THRB: variants seen among roughly 807,000 people sequenced by gnomAD.
THRB encodes the protein nuclear receptor subfamily 1 group A member 2.
Under a neutral mutation model 47.8 loss-of-function variants are expected in THRB, and 12 were observed. The observed-to-expected ratio is 0.25, with a 90% CI of 0.16 to 0.41. THRB has a LOEUF of 0.41. Ranked by LOEUF, THRB falls within the 10% of genes least tolerant of loss-of-function variation. THRB has a pLI of 1.00. For missense variants in THRB, 348 were observed against 589.2 expected, an observed-to-expected ratio of 0.59 and a Z score of 4.24; for synonymous variants, 218 against 212.2, an observed-to-expected ratio of 1.03 and a Z score of -0.24.
At position 24,143,654 on chromosome 3, in the gene THRB, G is replaced by T. The variant is rs746952071; in HGVS notation, c.585C>A (p.Asn195Lys). ...GCTCTTCCCGCCGTCTTTTCTCCCG[G>T]TTCTCCTCTATCAGCTTCCTCTTGG... is the stretch of plus-strand genomic sequence containing the variant. Reference protein sequence around the residue: ...RLAKRKLIEENREKRRREELQ... With the variant: ...RLAKRKLIEEKREKRRREELQ... Residue 195 changes from asparagine (N) to lysine (K), a missense_variant, in exon 8 of 11, where the codon AAC (asparagine) becomes AAA (lysine). Transcript: ENST00000646209. 1 of 1,614,102 alleles carries T rather than the reference G, an allele frequency of 6.2e-7. No individual in the cohort carries two copies. Among genetic ancestry groups the T allele is most frequent in the South Asian group, 1.1e-5 (1 of 91,082 alleles).
At chr3:24,157,210 A>C (rs982137005) in intron 5 of THRB, among the ~76,000 whole-genome samples, 1 of 151,664 alleles carries the variant, frequency 6.6e-6, no homozygotes, top group African/African-American at 2.4e-5. Flanking sequence ...CTGTTTTCCC[A>C]CCCTGCCTAC....
At chr3:24,201,344 A>G (rs1459343796) in intron 4 of THRB, among the ~76,000 whole-genome samples, 1 of 152,084 alleles carries the variant, frequency 6.6e-6, no homozygotes, top group Non-Finnish European at 1.5e-5. Flanking sequence ...TGCCTCCTCC[A>G]TGCTCAAATG....
At chr3:24,275,136 A>G (rs1396100472) in intron 3 of THRB, among the ~76,000 whole-genome samples, 1 of 152,202 alleles carries the variant, frequency 6.6e-6, no homozygotes, top group Non-Finnish European at 1.5e-5. Context: ...ATTTGTTTGG[A>G]AAAAATATAG....
intron 3 of THRB, among the ~76,000 whole-genome samples, chr3:24,273,732 C>T (rs1000741727): frequency 6.6e-6 from 1 of 152,124 alleles, no homozygotes; most frequent in Non-Finnish European, 1.5e-5. Flanking sequence ...GGCATTCCCC[C>T]AGATGTCACT....
At chr3:24,296,811 C>T (rs2056485245) in intron 3 of THRB, among the ~76,000 whole-genome samples, 1 of 152,166 alleles carries the variant, frequency 6.6e-6, no homozygotes, top group African/African-American at 2.4e-5. Context: ...GGGCTATCCA[C>T]ACACTTTAGG....
chr3:24,483,179 T>C (rs1456220345), intron 1 of THRB, among the ~76,000 whole-genome samples: 5 of 152,158 alleles, frequency 3.3e-5, no homozygotes, highest in African/African-American at 9.6e-5. Flanking sequence ...ATGTCCCTTA[T>C]ATTTCTTTCA....
At chr3:24,417,603 T>TAA (rs1366179162) in intron 1 of THRB, among the ~76,000 whole-genome samples, 4 of 151,868 alleles carry the variant, frequency 2.6e-5, no homozygotes, top group Admixed American at 2.6e-4. Context: ...AATAAGGCAT[T>TAA]CCTCAGGTAT....
intron 4 of THRB, among the ~76,000 whole-genome samples, chr3:24,227,524 G>A (rs922156030): frequency 4.6e-5 from 7 of 152,178 alleles, no homozygotes; most frequent in African/African-American, 1.7e-4. Flanking sequence ...GCTCCTACAG[G>A]TGTGAATCAT....
At chr3:24,365,653 A>C (rs1271720550) in intron 1 of THRB, among the ~76,000 whole-genome samples, 1 of 152,210 alleles carries the variant, frequency 6.6e-6, no homozygotes, top group Non-Finnish European at 1.5e-5. Flanking sequence ...AGCTGGAAAA[A>C]ATTAATTTGA....
chr3:24,316,939 T>C (rs2058157595), intron 2 of THRB, among the ~76,000 whole-genome samples: 1 of 152,222 alleles, frequency 6.6e-6, no homozygotes, highest in Non-Finnish European at 1.5e-5. Context: ...AGCCCTTCCC[T>C]AACTTCCTCA....
intron 1 of THRB, among the ~76,000 whole-genome samples, chr3:24,443,562 C>A (rs1331272478): frequency 6.6e-6 from 1 of 152,094 alleles, no homozygotes; most frequent in Non-Finnish European, 1.5e-5. Flanking sequence ...ACAATAATCT[C>A]AAACAAATAT....
chr3:24,265,764 T>A (rs183780084), intron 3 of THRB, among the ~76,000 whole-genome samples: 3 of 152,282 alleles, frequency 2.0e-5, no homozygotes, highest in East Asian at 3.9e-4. Flanking sequence ...AGTGTATTAA[T>A]TTGCTTCAAA....
At chr3:24,395,543 G>T (rs1047245847) in intron 1 of THRB, among the ~76,000 whole-genome samples, 1 of 151,920 alleles carries the variant, frequency 6.6e-6, no homozygotes, top group East Asian at 1.9e-4. Flanking sequence ...TGCAGTACAC[G>T]CAAATCAAAA....
chr3:24,397,077 T>C (rs2067020745), intron 1 of THRB, among the ~76,000 whole-genome samples: 1 of 152,114 alleles, frequency 6.6e-6, no homozygotes, highest in Admixed American at 6.5e-5. Context: ...CAATTAGAAC[T>C]CAGCATAGAT....
At chr3:24,212,634 T>C (rs1392945896) in intron 4 of THRB, among the ~76,000 whole-genome samples, 1 of 148,744 alleles carries the variant, frequency 6.7e-6, no homozygotes, top group South Asian at 2.2e-4. Flanking sequence ...GAAGGTGATA[T>C]GGTTTGATCC....
intron 1 of THRB, among the ~76,000 whole-genome samples, chr3:24,462,520 A>G (rs1235283298): frequency 6.6e-6 from 1 of 152,234 alleles, no homozygotes; most frequent in Non-Finnish European, 1.5e-5. Flanking sequence ...CATATTAGAA[A>G]ATTATCTATG....
Position 24,279,227 on chromosome 3 carries a change from T to C in THRB, c.-43+17999A>G, listed in dbSNP as rs978884052. 7.9e-5 allele frequency among the ~76,000 whole-genome samples: 12 copies of C among 152,228 alleles called. No individual in the cohort carries two copies. In the South Asian group the frequency reaches 1.5e-3, roughly 18 times the overall value. ...AATGGAGAACTGGAACTATTTACAA[T>C]AGAAAACTTGAACATGTTCGCTTGC... On this transcript the variant is annotated intron_variant, in intron 3 of 10. Transcript: ENST00000646209.
At chr3:24,133,889 G>A (rs1245293950) in intron 8 of THRB, among the ~76,000 whole-genome samples, 1 of 152,178 alleles carries the variant, frequency 6.6e-6, no homozygotes, top group Non-Finnish European at 1.5e-5. Context: ...CAGTGATAGA[G>A]CAGAGCGATG....
intron 1 of THRB, among the ~76,000 whole-genome samples, chr3:24,344,242 A>G (rs2062861090): frequency 6.6e-6 from 1 of 152,084 alleles, no homozygotes; most frequent in Admixed American, 6.6e-5. Flanking sequence ...AAGTAGGTGT[A>G]TAGTATTGCC....
Sources: allele counts gnomAD v4.1 joint callset (sites outside exome capture counted in the v4.1 genomes callset), GRCh38; gene constraint gnomAD v4.1.1; transcripts MANE v1.5; gene names NCBI Gene and HGNC (gene_info 2026-07-23, HGNC 2026-07-21).